SLC2A13: variants seen among roughly 807,000 people sequenced by gnomAD.
SLC2A13 encodes proton myo-inositol cotransporter.
Under a neutral mutation model 64.4 loss-of-function variants are expected in SLC2A13, and 32 were observed. The observed-to-expected ratio is 0.50, with a 90% CI of 0.37 to 0.67. The LOEUF is 0.67. Among genes scored for constraint, SLC2A13 ranks in the 30% least tolerant of loss-of-function variants. The probability of loss-of-function intolerance (pLI) is 0.00; values close to 1 mark genes in which losing one functional copy is unlikely to be tolerated. For synonymous variants in SLC2A13, 338 were observed against 327.1 expected (o/e 1.03, Z -0.36); for missense variants, 743 against 829.2 (o/e 0.90, Z 1.28).
intron 1 of SLC2A13, among the ~76,000 whole-genome samples, chr12:40,094,781 A>G (rs1938882229): frequency 1.3e-5 from 2 of 152,374 alleles, no homozygotes; most frequent in South Asian, 4.1e-4. Flanking sequence ...TAAGACTGCA[A>G]AAATTACAGC....
chr12:40,022,974 T>C (rs1035712844), intron 3 of SLC2A13, among the ~76,000 whole-genome samples: 10 of 152,176 alleles, frequency 6.6e-5, no homozygotes, highest in African/African-American at 2.2e-4. Context: ...ATGCTATAAA[T>C]AGATTTATAA....
chr12:40,053,204 C>A (rs1298107032), intron 1 of SLC2A13, among the ~76,000 whole-genome samples: 2 of 150,550 alleles, frequency 1.3e-5, no homozygotes, highest in East Asian at 3.9e-4. Context: ...ATTGCTTGAA[C>A]CCGGGAGGCG....
chr12:39,931,055 T>C (rs1402306405), intron 4 of SLC2A13, among the ~76,000 whole-genome samples: 1 of 152,236 alleles, frequency 6.6e-6, no homozygotes, highest in African/African-American at 2.4e-5. Context: ...ACTGAATTTC[T>C]GTATGATTCA....
At chr12:39,966,272 T>C (rs1333741006) in intron 3 of SLC2A13, among the ~76,000 whole-genome samples, 2 of 151,968 alleles carry the variant, frequency 1.3e-5, no homozygotes, top group Non-Finnish European at 2.9e-5. Flanking sequence ...TTCTTATTAC[T>C]TGTAGACCTT....
intron 1 of SLC2A13, among the ~76,000 whole-genome samples, chr12:40,053,611 G>A (rs1316109957): frequency 6.6e-6 from 1 of 152,128 alleles, no homozygotes; most frequent in Non-Finnish European, 1.5e-5. Flanking sequence ...ACTATTGCCT[G>A]CTAAGTGACT....
chr12:39,896,505 T>G (rs147027107), intron 4 of SLC2A13, among the ~76,000 whole-genome samples: 2 of 146,656 alleles, frequency 1.4e-5, no homozygotes, highest in African/African-American at 5.0e-5. Flanking sequence ...CATATATGTA[T>G]GTACATGTGT....
intron 1 of SLC2A13, among the ~76,000 whole-genome samples, chr12:40,053,084 C>G (rs758574291): frequency 2.4e-4 from 36 of 151,932 alleles, no homozygotes; most frequent in Middle Eastern, 3.4e-3. Context: ...AGATTGAGAC[C>G]ATCCTGGCCA....
chr12:40,102,778 A>C (rs1939191375), intron 1 of SLC2A13, among the ~76,000 whole-genome samples: 2 of 152,214 alleles, frequency 1.3e-5, no homozygotes, highest in Non-Finnish European at 2.9e-5. Context: ...AAAAATGCTC[A>C]TGTTAGGAAC....
At chr12:39,795,151 A>T (rs1374720911) in intron 7 of SLC2A13, among the ~76,000 whole-genome samples, 1 of 151,768 alleles carries the variant, frequency 6.6e-6, no homozygotes, top group East Asian at 1.9e-4. Context: ...GAGTACGCTA[A>T]ACTTATTATC....
chr12:40,089,401 A>C (rs1938688602), intron 1 of SLC2A13, among the ~76,000 whole-genome samples: 1 of 152,256 alleles, frequency 6.6e-6, no homozygotes, highest in South Asian at 2.1e-4. Context: ...CTTCCTCTTT[A>C]GTAATTTGCA....
At chr12:39,968,207 T>A (rs1946559214) in intron 3 of SLC2A13, among the ~76,000 whole-genome samples, 1 of 152,134 alleles carries the variant, frequency 6.6e-6, no homozygotes, top group African/African-American at 2.4e-5. Flanking sequence ...AACATGTCCT[T>A]CTTAACATGG....
chr12:39,971,986 A>AAAAAG (rs1946654342), intron 3 of SLC2A13, among the ~76,000 whole-genome samples: 1 of 43,696 alleles, frequency 2.3e-5, no homozygotes, highest in Non-Finnish European at 4.8e-5. Flanking sequence ...GTCTCCAGAA[A>AAAAAG]AAAAAAAAAA....
chr12:39,894,083 T>A (rs1466445184), intron 4 of SLC2A13, among the ~76,000 whole-genome samples: 2 of 152,192 alleles, frequency 1.3e-5, no homozygotes, highest in South Asian at 4.1e-4. Flanking sequence ...TAATAAATGT[T>A]TTTGCAAACA....
chr12:39,912,069 C>A (rs1203144675), intron 4 of SLC2A13, among the ~76,000 whole-genome samples: 1 of 151,982 alleles, frequency 6.6e-6, no homozygotes, highest in South Asian at 2.1e-4. Flanking sequence ...TGGCCCAGGA[C>A]CACCCTGATC....
intron 4 of SLC2A13, among the ~76,000 whole-genome samples, chr12:39,917,865 C>CT (rs1945546810): frequency 6.6e-6 from 1 of 151,972 alleles, no homozygotes; most frequent in Admixed American, 6.6e-5. Flanking sequence ...CTTTTCTCTT[C>CT]TTATTCTCTG....
At chr12:39,948,316 A>C (rs1946173762) in intron 4 of SLC2A13, among the ~76,000 whole-genome samples, 1 of 152,162 alleles carries the variant, frequency 6.6e-6, no homozygotes, top group South Asian at 2.1e-4. Flanking sequence ...ATAAAGAAAC[A>C]TAAGTTATCA....
At chr12:39,842,644 A>C (rs1159751202) in intron 6 of SLC2A13, among the ~76,000 whole-genome samples, 1 of 152,028 alleles carries the variant, frequency 6.6e-6, no homozygotes, top group Non-Finnish European at 1.5e-5. Context: ...ATTCATATAA[A>C]ATTTACCATT....
At chr12:39,911,181 AG>A (rs1265034332) in intron 4 of SLC2A13, among the ~76,000 whole-genome samples, 1 of 152,114 alleles carries the variant, frequency 6.6e-6, no homozygotes, top group East Asian at 1.9e-4. Context: ...TGTTCCTGCT[AG>A]ACACAGCATT....
At chr12:39,900,211 A>G (rs963519626) in intron 4 of SLC2A13, among the ~76,000 whole-genome samples, 1 of 152,166 alleles carries the variant, frequency 6.6e-6, no homozygotes, top group African/African-American at 2.4e-5. Flanking sequence ...AGAGCTATCT[A>G]TGACAACCCC....
Sources: allele counts gnomAD v4.1 joint callset (sites outside exome capture counted in the v4.1 genomes callset), GRCh38; gene constraint gnomAD v4.1.1; transcripts MANE v1.5; gene names NCBI Gene and HGNC (gene_info 2026-07-23, HGNC 2026-07-21).